MGAM: variants seen among roughly 807,000 people sequenced by gnomAD.
MGAM encodes alpha-1,4-glucosidase.
MGAM carries 253 observed loss-of-function variants against 358.8 expected under a neutral mutation model. The observed-to-expected ratio is 0.71, with a 90% CI of 0.64 to 0.78. The LOEUF (loss-of-function observed/expected upper bound fraction) is 0.78. Among genes scored for constraint, MGAM ranks in the 30% least tolerant of loss-of-function variants. The pLI is 0.00. For synonymous variants in MGAM, 1,105 were observed against 1,227.1 expected (o/e 0.90, Z 2.08); for missense variants, 3,080 against 3,432.6 (o/e 0.90, Z 2.57).
Position 142,102,628 on chromosome 7 carries a change from A to G in MGAM, c.7964-2A>G. On this transcript the variant is annotated splice_acceptor_variant, in intron 68 of 70. Transcript: ENST00000475668. LOFTEE classifies it high-confidence loss of function. ...CATGTTTATCTTGTTTTTTGTTTGCAGATACCTATGGGAAAGGACTCTATT... is the reference window on the plus strand; with the variant it reads ...CATGTTTATCTTGTTTTTTGTTTGCGGATACCTATGGGAAAGGACTCTATT... The G allele has an allele frequency of 6.2e-7, 1 of 1,613,150 alleles. No homozygotes were observed. Among genetic ancestry groups the G allele is most frequent in the Non-Finnish European group, 8.5e-7 (1 of 1,179,510 alleles).
At chr7:142,042,589 ACATATT>A (rs1809061561) in intron 21 of MGAM, among the ~76,000 whole-genome samples, 1 of 32,116 alleles carries the variant, frequency 3.1e-5, no homozygotes, top group African/African-American at 1.4e-4. Context: ...TATTATATAT[ACATATT>A]ATATATAATA....
chr7:142,072,866 T>C (rs1813454008), intron 44 of MGAM, among the ~76,000 whole-genome samples: 1 of 146,524 alleles, frequency 6.8e-6, no homozygotes, highest in South Asian at 2.2e-4. Context: ...AACCTTGCTG[T>C]GGGAATTTGC....
chr7:142,056,583 A>G (rs1271404082), intron 29 of MGAM, among the ~76,000 whole-genome samples: 1 of 152,200 alleles, frequency 6.6e-6, no homozygotes, highest in Non-Finnish European at 1.5e-5. Context: ...CTTGAAATGT[A>G]AAAAATAATA....
intron 9 of MGAM, 97 bp from the exon 10 acceptor site, chr7:142,027,513 G>T: frequency 1.5e-6 from 2 of 1,311,506 alleles, no homozygotes; most frequent in Non-Finnish European, 1.1e-6. Flanking sequence ...AGTGCATTGG[G>T]AAATGGACTA....
At position 142,086,698 on chromosome 7, in the gene MGAM, A is replaced by G. The variant is rs771615955; in HGVS notation, c.6791A>G (p.Asp2264Gly). ...GATGTTGTTGTGAATGGGTCTCTAG[A>G]CTGGGACAGTCAAGTGGAGGTAAAG... ...FPDVVVNGSL[D>G]WDSQVELYRA... Residue 2264 changes from aspartate (D) to glycine (G), a missense_variant, in exon 57 of 71, where the codon GAC becomes GGC. Coordinates refer to ENST00000475668, the MANE Select transcript of MGAM (RefSeq NM_001365693.1). 36 of 1,117,108 alleles carry G rather than the reference A, an allele frequency of 3.2e-5. 11 individuals carry two copies. Among genetic ancestry groups the G allele is most frequent in the Non-Finnish European group, 4.4e-5 (36 of 809,278 alleles). The allele number at this position is 1,117,108 out of a possible 1,614,324, so 69.2% of individuals were successfully genotyped here.
chr7:142,031,176 C>T (rs1287676251), intron 12 of MGAM, among the ~76,000 whole-genome samples: 1 of 152,156 alleles, frequency 6.6e-6, no homozygotes, highest in Admixed American at 6.5e-5. Context: ...CAAGTGTACC[C>T]ACTTCTTTCT....
chr7:142,021,219 T>C lies in MGAM; in HGVS notation c.558+136T>C, dbSNP rs77703675. The C allele has an allele frequency of 6.6e-3, 4,190 of 636,080 alleles. 123 individuals are homozygous for C. Among genetic ancestry groups the C allele is most frequent in the South Asian group, 0.054 (2,628 of 48,558 alleles). 39.4% of individuals were successfully genotyped at this position (636,080 alleles called of 1,614,324 possible). On this transcript the variant is annotated intron_variant, in intron 5 of 70. Transcript: ENST00000475668. ...TATTGCTATTATTAATTAGCACCTG[T>C]ATGTTAAAGACATATACAGAATAGC... is the stretch of plus-strand genomic sequence containing the variant.
rs748169787 is a variant in MGAM at position 142,096,427 on chromosome 7, G to A, written c.7692+12G>A. The A allele has an allele frequency of 1.9e-6, 3 of 1,613,588 alleles. No homozygotes were observed. The African/African-American group carries it at 4.0e-5, about 22-fold the overall frequency. The stretch of plus-strand genomic sequence containing the variant: ...CTGTCCTGGAGCGTGTGAGTATGGA[G>A]GCCTCCGATGAGGGGAGGATCCCAG... On this transcript the variant is annotated intron_variant, in intron 65 of 70. Transcript: ENST00000475668.
chr7:142,000,283 G>A (rs549348977), intron 1 of MGAM, among the ~76,000 whole-genome samples: 1 of 152,120 alleles, frequency 6.6e-6, no homozygotes, highest in African/African-American at 2.4e-5. Context: ...AGGGGTAGAG[G>A]CTTGCTTTCA....
At chr7:142,076,480 A>G (rs1294201708) in intron 46 of MGAM, 179 bp from the exon 47 acceptor site, 1 of 864,446 alleles carries the variant, frequency 1.2e-6, no homozygotes, top group South Asian at 1.4e-5. Flanking sequence ...TTATGATTGT[A>G]TCAAATTAGA....
At chr7:142,000,222 T>A (rs1554450211) in intron 1 of MGAM, among the ~76,000 whole-genome samples, 1 of 152,156 alleles carries the variant, frequency 6.6e-6, no homozygotes. Flanking sequence ...GGGTCTCTCA[T>A]GAATCCAGCC....
intron 37 of MGAM, 112 bp from the exon 38 acceptor site, chr7:142,065,223 C>G: frequency 7.0e-7 from 1 of 1,429,492 alleles, no homozygotes; most frequent in Non-Finnish European, 9.5e-7. Context: ...CCCATGTTCC[C>G]TCCAGTCACG....
chr7:142,011,069 T>A (rs1424328633), intron 3 of MGAM, among the ~76,000 whole-genome samples: 1 of 152,122 alleles, frequency 6.6e-6, no homozygotes, highest in Non-Finnish European at 1.5e-5. Flanking sequence ...GGTTACGTGC[T>A]TAAAGATAAA....
chr7:142,026,069 T>C (rs1554460853), intron 8 of MGAM, among the ~76,000 whole-genome samples: 2 of 152,226 alleles, frequency 1.3e-5, no homozygotes, highest in Admixed American at 6.5e-5. Context: ...GAGTTGTTCC[T>C]ATGACCAAAG....
intron 4 of MGAM, among the ~76,000 whole-genome samples, chr7:142,020,516 G>A (rs73542728): frequency 0.022 from 3,384 of 150,776 alleles, 128 homozygotes; most frequent in African/African-American, 0.076. Context: ...CGTATGATGG[G>A]GTATATATCT....
At chr7:142,012,434 C>T (rs1158520193) in intron 3 of MGAM, among the ~76,000 whole-genome samples, 1 of 152,088 alleles carries the variant, frequency 6.6e-6, no homozygotes, top group Non-Finnish European at 1.5e-5. Flanking sequence ...GCTTCATGGC[C>T]TAATCACCTC....
intron 20 of MGAM, 149 bp downstream of exon 20, chr7:142,040,320 G>A: frequency 1.5e-6 from 1 of 667,868 alleles, no homozygotes; most frequent in Non-Finnish European, 2.6e-6. Context: ...CCTGGGTAAA[G>A]TTAACCTAAA....
chr7:142,002,101 G>A (rs1205806724), intron 1 of MGAM, among the ~76,000 whole-genome samples: 1 of 152,102 alleles, frequency 6.6e-6, no homozygotes, highest in Non-Finnish European at 1.5e-5. Flanking sequence ...AGAAGAACTT[G>A]GGGATAGAAT....
chr7:142,007,497 A>G (rs994934046), intron 2 of MGAM, among the ~76,000 whole-genome samples: 5 of 152,124 alleles, frequency 3.3e-5, no homozygotes, highest in Admixed American at 2.6e-4. Context: ...AGATTGCTCA[A>G]CTCTTAAAAT....
Sources: gnomAD v4.1 joint callset for allele counts (sites outside exome capture counted in the v4.1 genomes callset) on GRCh38, gnomAD v4.1.1 for gene constraint, MANE v1.5 for transcripts, NCBI Gene and HGNC (gene_info 2026-07-23, HGNC 2026-07-21) for gene names.